Variants in HMX1 observed in about 807,000 individuals in gnomAD.
HMX1 encodes homeobox protein HMX1.
HMX1 carries 8 observed loss-of-function variants against 8.9 expected under a neutral mutation model. That is an observed-to-expected ratio of 0.90 (90% CI 0.53 to 1.63). The LOEUF (loss-of-function observed/expected upper bound fraction) is 1.63, where lower values mean the gene tolerates loss of function less well. HMX1 is among the 40% of genes most tolerant of loss of function. The probability of loss-of-function intolerance (pLI) is 0.00; values close to 1 mark genes in which losing one functional copy is unlikely to be tolerated. For missense variants in HMX1, 621 were observed against 558.5 expected (o/e 1.11, Z -1.13); for synonymous variants, 311 against 283.4 (o/e 1.10, Z -0.98).
At chr4:8,846,587 C>T (rs571773349) in intron 1 of HMX1, among the ~76,000 whole-genome samples, 188 of 152,282 alleles carry the variant, frequency 1.2e-3, no homozygotes, top group Non-Finnish European at 5.4e-4. Context: ...GGCCCTGGGG[C>T]GAGTGGCACT....
intron 1 of HMX1, among the ~76,000 whole-genome samples, chr4:8,857,576 C>T (rs28550803): frequency 0.024 from 3,591 of 152,242 alleles, 146 homozygotes; most frequent in African/African-American, 0.081. Flanking sequence ...GCCTCCGCAC[C>T]CCCCCGCCCC....
intron 1 of HMX1, chr4:8,858,609 C>G (rs764691436): frequency 7.2e-5 from 11 of 152,386 alleles, no homozygotes; most frequent in Non-Finnish European, 1.3e-4. Flanking sequence ...GGGGAGTGCC[C>G]CCTGAGCGCA....
At chr4:8,869,653 A>G (rs1013912921) in intron 1 of HMX1, among the ~76,000 whole-genome samples, 1 of 152,176 alleles carries the variant, frequency 6.6e-6, no homozygotes, top group Non-Finnish European at 1.5e-5. Context: ...CAGCACCCAC[A>G]GGGGAGTCAG....
In HMX1 at chr4:8,868,328, G is replaced by C. The variant is rs1348264472; in HGVS notation, c.412C>G (p.Pro138Ala). Reference sequence around the variant, plus strand: ...CGGCCCATCTCCTCGCCCGTCTCCGGTGAGTCCCGGTCGCTGGCTGCAGGG... The same window carrying C: ...CGGCCCATCTCCTCGCCCGTCTCCGCTGAGTCCCGGTCGCTGGCTGCAGGG... ...LSPDTSDRDS[P>A]ETGEEMGRAE... The change falls in exon 2 of 2, where the codon CCG becomes GCG. Residue 138 changes from proline (P) to alanine (A), a missense_variant. Transcript: ENST00000400677. The surrounding 1 kb of genome is among the most constrained non-coding windows in gnomAD (Gnocchi z 4.6). The C allele has an allele frequency of 2.8e-6, 4 of 1,410,346 alleles. No individual in the cohort carries two copies. The highest frequency in any genetic ancestry group is 6.3e-5 in the Admixed American group (2 of 31,790). The allele number at this position is 1,410,346 out of a possible 1,614,324, so 87.4% of individuals were successfully genotyped here. A position where few individuals can be genotyped will look rare whatever the true frequency, so the allele number is the denominator to read the frequency against.
downstream of HMX1, among the ~76,000 whole-genome samples, chr4:8,863,198 C>T (rs1275132142): frequency 6.6e-6 from 1 of 152,220 alleles, no homozygotes; most frequent in Non-Finnish European, 1.5e-5. Flanking sequence ...CCGCTGGCCT[C>T]CCTCAGGCGG....
At chr4:8,867,047 G>T, downstream of HMX1, 3 of 983,036 alleles carry the variant, frequency 3.1e-6, no homozygotes, top group Non-Finnish European at 3.6e-6. Flanking sequence ...CAGTGAAACT[G>T]TCCAGAAAAT....
intron 1 of HMX1, among the ~76,000 whole-genome samples, chr4:8,859,940 GCCA>G: frequency 6.6e-6 from 1 of 152,366 alleles, no homozygotes; most frequent in East Asian, 1.9e-4. Context: ...CCCAATTCCC[GCCA>G]CCATGTTGTT....
Position 8,871,200 on chromosome 4 carries a change from C to T in HMX1, c.394+21G>A. 7.1e-7 allele frequency: 1 copy of T among 1,405,530 alleles called. No individual in the cohort carries two copies. Among genetic ancestry groups the T allele is most frequent in the Non-Finnish European group, 9.2e-7 (1 of 1,086,710 alleles). 87.1% of individuals were successfully genotyped at this position (1,405,530 alleles called of 1,614,324 possible). On this transcript the variant is annotated intron_variant, in intron 1 of 1. Transcript: ENST00000400677. This position sits in a 1 kb window ranked among gnomAD's most constrained non-coding sequence, Gnocchi z 4.8. ...AGTCGGGCCCCACCGCCTGACCCAC[C>T]CTCCCCGCGCCCTCACTCACTGTCA...
At position 8,847,455 on chromosome 4, in the gene HMX1, G is replaced by A. The variant is rs1032610887; in HGVS notation, c.395-1131C>T. Among the ~76,000 whole-genome samples, 8 of 152,246 alleles carry A rather than the reference G, an allele frequency of 5.3e-5. No homozygotes were observed. Among genetic ancestry groups the A allele is most frequent in the African/African-American group, 1.4e-4 (6 of 41,540 alleles). Reference sequence around the variant, plus strand: ...ATCTGCAAAGAGCTATTTCTGTAACGGGATGCCGCCAACAGACGGAAGCCA... The same window carrying A: ...ATCTGCAAAGAGCTATTTCTGTAACAGGATGCCGCCAACAGACGGAAGCCA... On this transcript the variant is annotated intron_variant, in intron 1 of 1. Transcript: ENST00000506970. This position sits in a 1 kb window ranked among gnomAD's most constrained non-coding sequence, Gnocchi z 6.0.
At position 8,867,706 on chromosome 4, in the gene HMX1, G is replaced by A; in HGVS notation, c.1034C>T (p.Pro345Leu). ...ASVPFLRAQM[P>L]GLV ...GGCAGGCGGGGCTCACACCAGGCCA[G>A]GCATCTGCGCCCGCAGAAAGGGCAC... The change falls in exon 2 of 2, where the codon CCT becomes CTT. Residue 345 changes from proline to leucine, a missense_variant. Physicochemically the swap from Pro to Leu is moderately conservative, Grantham distance 98. Coordinates refer to ENST00000400677, the MANE Select transcript of HMX1 (RefSeq NM_018942.3). 2 of 1,275,522 alleles carry A rather than the reference G, an allele frequency of 1.6e-6. No individual in the cohort carries two copies. Among genetic ancestry groups the A allele is most frequent in the South Asian group, 3.0e-5 (1 of 33,816 alleles). 79.0% of individuals were successfully genotyped at this position (1,275,522 alleles called of 1,614,324 possible). A position where few individuals can be genotyped will look rare whatever the true frequency, so the allele number is the denominator to read the frequency against.
At chr4:8,854,005 G>A (rs758490783) in intron 1 of HMX1, among the ~76,000 whole-genome samples, 2 of 152,154 alleles carry the variant, frequency 1.3e-5, no homozygotes, top group African/African-American at 4.8e-5. Context: ...GCCCTGAGCC[G>A]ACCCATGGCC....
downstream of HMX1, among the ~76,000 whole-genome samples, chr4:8,865,791 C>T (rs77724733): frequency 0.043 from 6,481 of 152,252 alleles, 169 homozygotes; most frequent in South Asian, 0.082. Flanking sequence ...AACCTGAGTC[C>T]CTCCCAGATG....
In HMX1 at chr4:8,867,467, A is replaced by C; in HGVS notation, c.*226T>G. On this transcript the variant is annotated 3_prime_UTR_variant, in exon 2 of 2. Coordinates refer to ENST00000400677, the MANE Select transcript of HMX1 (RefSeq NM_018942.3). ...GAGTCTCTGCATGGCCCCCTGTTCG[A>C]GTGGGGATCCAGCCTGGCAAATGGG... 4.4e-6 allele frequency: 5 copies of C among 1,142,990 alleles called. No individual in the cohort carries two copies. The South Asian group carries it at 1.8e-4, about 40-fold the overall frequency. The allele number at this position is 1,142,990 out of a possible 1,614,324, so 70.8% of individuals were successfully genotyped here.
At chr4:8,851,699 A>C (rs1454066678) in intron 1 of HMX1, among the ~76,000 whole-genome samples, 1 of 152,232 alleles carries the variant, frequency 6.6e-6, no homozygotes, top group African/African-American at 2.4e-5. Flanking sequence ...CCTGTGGGCC[A>C]GTCACTGGGC....
chr4:8,871,218 C>T lies in HMX1; in HGVS notation c.394+3G>A. On this transcript the variant is annotated splice_donor_region_variant and intron_variant, in intron 1 of 1. Transcript: ENST00000400677. The surrounding 1 kb of genome is among the most constrained non-coding windows in gnomAD (Gnocchi z 4.8). ...GACCCACCCTCCCCGCGCCCTCACT[C>T]ACTGTCAGGACTGAGGCCGCCTCCA... The T allele has an allele frequency of 6.9e-7, 1 of 1,451,834 alleles. No homozygotes were observed. The highest frequency in any genetic ancestry group is 9.0e-7 in the Non-Finnish European group (1 of 1,110,478). The allele number at this position is 1,451,834 out of a possible 1,614,324, so 89.9% of individuals were successfully genotyped here.
At chr4:8,861,587 C>T (rs1293672688) in intron 1 of HMX1, among the ~76,000 whole-genome samples, 1 of 152,172 alleles carries the variant, frequency 6.6e-6, no homozygotes, top group Non-Finnish European at 1.5e-5. Context: ...GCGAAGGGGA[C>T]CGCGGAGCAG....
At position 8,868,370 on chromosome 4, in the gene HMX1, G is replaced by A. The variant is rs1396102767; in HGVS notation, c.395-25C>T. The A allele has an allele frequency of 7.4e-6, 10 of 1,346,468 alleles. No individual in the cohort carries two copies. The highest frequency in any genetic ancestry group is 2.1e-4 in the Middle Eastern group (1 of 4,848). The allele number at this position is 1,346,468 out of a possible 1,614,324, so 83.4% of individuals were successfully genotyped here. On this transcript the variant is annotated intron_variant, in intron 1 of 1. Coordinates refer to ENST00000400677, the MANE Select transcript of HMX1 (RefSeq NM_018942.3). This position sits in a 1 kb window ranked among gnomAD's most constrained non-coding sequence, Gnocchi z 4.6. ...GCTGCAGGGGAGAGAGGGCACCACC[G>A]TTGGTTCTAGGGCACTGATTACCAG...
chr4:8,851,809 C>A (rs1253526267), intron 1 of HMX1, among the ~76,000 whole-genome samples: 2 of 152,244 alleles, frequency 1.3e-5, no homozygotes, highest in Admixed American at 6.5e-5. Context: ...GTGGGCTTCC[C>A]TGACATCCTG....
chr4:8,867,327 A>G lies in HMX1; in HGVS notation c.*366T>C. On this transcript the variant is annotated 3_prime_UTR_variant, in exon 2 of 2. Coordinates refer to ENST00000400677, the MANE Select transcript of HMX1 (RefSeq NM_018942.3). ...GCTCAGCCTTGGACAGCCGGTTCGT[A>G]GTTTTCCTTTGTTGCGCTGGGCTTG... The G allele has an allele frequency of 2.0e-6, 2 of 997,252 alleles. No homozygotes were observed. Among genetic ancestry groups the G allele is most frequent in the Non-Finnish European group, 2.4e-6 (2 of 838,090 alleles). 61.8% of individuals were successfully genotyped at this position (997,252 alleles called of 1,614,324 possible).
Sources: allele counts gnomAD v4.1 joint callset (sites outside exome capture counted in the v4.1 genomes callset), GRCh38; gene constraint gnomAD v4.1.1; non-coding constraint Gnocchi (gnomAD v3.1); transcripts MANE v1.5; gene names NCBI Gene and HGNC (gene_info 2026-07-23, HGNC 2026-07-21).